Variants in PTPN1 observed in about 807,000 individuals in gnomAD.
The protein encoded by PTPN1 is protein tyrosine phosphatase non-receptor type 1, also known as tyrosine-protein phosphatase non-receptor type 1.
Under a neutral mutation model 59.9 loss-of-function variants are expected in PTPN1, and 12 were observed. The observed-to-expected ratio is 0.20, with a 90% CI of 0.13 to 0.32. PTPN1 has a LOEUF of 0.32. PTPN1 is among the 10% of genes least tolerant of loss of function. PTPN1 has a pLI of 1.00. For synonymous variants in PTPN1, 178 were observed against 203.6 expected (o/e 0.87, Z 1.07); for missense variants, 356 against 549.2 (o/e 0.65, Z 3.52).
intron 8 of PTPN1, among the ~76,000 whole-genome samples, chr20:50,580,220 C>G (rs718051): frequency 6.6e-6 from 1 of 150,832 alleles, no homozygotes; most frequent in Non-Finnish European, 1.5e-5. Flanking sequence ...TTTTCTGCCC[C>G]CCCTGACGAC....
chr20:50,572,374 CAG>C (rs2082814690), intron 4 of PTPN1: 1 of 152,188 alleles, frequency 6.6e-6, no homozygotes, highest in East Asian at 1.9e-4. Flanking sequence ...TTGGAAATGA[CAG>C]AGCATAGCTT....
At position 50,579,738 on chromosome 20, in the gene PTPN1, G is replaced by T. The variant is rs2122804680; in HGVS notation, c.900G>T (p.Glu300Asp). The T allele has an allele frequency of 1.2e-6, 2 of 1,612,740 alleles. No individual in the cohort carries two copies. Among genetic ancestry groups the T allele is most frequent in the Middle Eastern group, 1.9e-4 (1 of 5,164 alleles). ...AGGAGCTTTCCCACGAGGACCTGGA[G>T]CCCCCACCCGAGCATATCCCCCCAC... is the stretch of plus-strand genomic sequence containing the variant. The part of the protein sequence containing the change: ...QWKELSHEDL[E>D]PPPEHIPPPP... The change falls in exon 8 of 10, where the codon GAG becomes GAT. Residue 300 changes from glutamate to aspartate, a missense_variant. By Grantham distance (45) the Glu-to-Asp change is conservative (BLOSUM62 2). Coordinates refer to ENST00000371621, the MANE Select transcript of PTPN1 (RefSeq NM_002827.4).
chr20:50,553,579 A>G (rs189226161), intron 1 of PTPN1, among the ~76,000 whole-genome samples: 108 of 152,382 alleles, frequency 7.1e-4, no homozygotes, highest in Non-Finnish European at 1.0e-3. Flanking sequence ...TGTAATACGT[A>G]GGATATTTGG....
In PTPN1 at chr20:50,574,535, T is replaced by C; in HGVS notation, c.373T>C (p.Trp125Arg). Reference protein sequence around the residue: ...EKGSLKCAQYWPQKEEKEMIF... With the variant: ...EKGSLKCAQYRPQKEEKEMIF... Reference sequence around the variant, plus strand: ...TCCCCAGTTAAAATGCGCACAATACTGGCCACAAAAAGAAGAAAAAGAGAT... The same window carrying C: ...TCCCCAGTTAAAATGCGCACAATACCGGCCACAAAAAGAAGAAAAAGAGAT... The change falls in exon 5 of 10, where the codon TGG (tryptophan) becomes CGG (arginine). Residue 125 changes from tryptophan to arginine, a missense_variant. Physicochemically the swap from Trp to Arg is moderately radical, Grantham distance 101. Coordinates refer to ENST00000371621, the MANE Select transcript of PTPN1 (RefSeq NM_002827.4). 1 of 1,602,912 alleles carries C rather than the reference T, an allele frequency of 6.2e-7. No individual in the cohort carries two copies. Among genetic ancestry groups the C allele is most frequent in the Non-Finnish European group, 8.5e-7 (1 of 1,176,904 alleles).
rs1358238572 is a variant in PTPN1 at position 50,584,404 on chromosome 20, C to T, written c.*1689C>T. 6.6e-6 allele frequency: 1 copy of T among 152,582 alleles called. No individual in the cohort carries two copies. Among genetic ancestry groups the T allele is most frequent in the Non-Finnish European group, 1.5e-5 (1 of 68,028 alleles). 9.5% of individuals were successfully genotyped at this position (152,582 alleles called of 1,614,324 possible). On this transcript the variant is annotated 3_prime_UTR_variant, in exon 10 of 10. Coordinates refer to ENST00000371621, the MANE Select transcript of PTPN1 (RefSeq NM_002827.4). ...CAAAATGGACGTACTGGTTTAACCT[C>T]CTATCCTTGGAGAGCAGCTGGCTCT...
intron 1 of PTPN1, among the ~76,000 whole-genome samples, chr20:50,522,135 G>C (rs1478051571): frequency 6.6e-6 from 1 of 152,148 alleles, no homozygotes; most frequent in Non-Finnish European, 1.5e-5. Context: ...TCATTGGCCA[G>C]GTACTCCTTC....
chr20:50,557,464 T>TA (rs2082730874), intron 1 of PTPN1, among the ~76,000 whole-genome samples: 1 of 152,196 alleles, frequency 6.6e-6, no homozygotes, highest in Non-Finnish European at 1.5e-5. Flanking sequence ...TTAGTTTTCT[T>TA]AAACAGCCAT....
intron 1 of PTPN1, among the ~76,000 whole-genome samples, chr20:50,531,145 A>G (rs1177079359): frequency 6.6e-6 from 1 of 152,156 alleles, no homozygotes; most frequent in Non-Finnish European, 1.5e-5. Flanking sequence ...ATTGCCTGTC[A>G]TCAGAGTAAC....
chr20:50,543,933 C>A (rs1289571788), intron 1 of PTPN1, among the ~76,000 whole-genome samples: 6 of 152,100 alleles, frequency 3.9e-5, no homozygotes. Context: ...ACAACCTCCG[C>A]TTCCTGAGTT....
chr20:50,533,126 T>C (rs767860455), intron 1 of PTPN1, among the ~76,000 whole-genome samples: 6 of 152,154 alleles, frequency 3.9e-5, no homozygotes, highest in Non-Finnish European at 7.4e-5. Context: ...ATAGTTTTTT[T>C]GAGGTGTTCT....
At chr20:50,535,781 A>G (rs1225751960) in intron 1 of PTPN1, among the ~76,000 whole-genome samples, 2 of 152,190 alleles carry the variant, frequency 1.3e-5, no homozygotes, top group Admixed American at 6.5e-5. Flanking sequence ...ACATCTTTGT[A>G]TCCTCAGTAC....
chr20:50,512,440 C>CA (rs1248547486), intron 1 of PTPN1, among the ~76,000 whole-genome samples: 1 of 152,198 alleles, frequency 6.6e-6, no homozygotes, highest in African/African-American at 2.4e-5. Context: ...GTCACCCAAG[C>CA]ATGGTTAAAA....
chr20:50,536,336 C>T (rs541456622), intron 1 of PTPN1, among the ~76,000 whole-genome samples: 21 of 152,250 alleles, frequency 1.4e-4, no homozygotes, highest in Admixed American at 2.6e-4. Context: ...AGTTGCCAGG[C>T]GGTGTGCTGA....
In PTPN1 at chr20:50,582,431, C is replaced by T. The variant is rs1453712322; in HGVS notation, c.1285-261C>T. Among the ~76,000 whole-genome samples, 1 of 152,212 alleles carries T rather than the reference C, an allele frequency of 6.6e-6. No homozygotes were observed. The highest frequency in any genetic ancestry group is 2.1e-4 in the South Asian group (1 of 4,832). ...GAGCTCTGGCCATGGAAATGACCTC[C>T]TAAGACTTTTTCGTGGTTTTAAATA... is the stretch of plus-strand genomic sequence containing the variant. On this transcript the variant is annotated intron_variant, in intron 9 of 9. Transcript: ENST00000371621. The surrounding 1 kb of genome is among the most constrained non-coding windows in gnomAD (Gnocchi z 4.2).
At chr20:50,523,741 A>G (rs182833467) in intron 1 of PTPN1, among the ~76,000 whole-genome samples, 52 of 152,314 alleles carry the variant, frequency 3.4e-4, no homozygotes, top group African/African-American at 1.1e-3. Context: ...GAGCTCTTAC[A>G]GGCCTAGGCT....
In PTPN1 at chr20:50,552,202, G is replaced by A. The variant is rs576152937; in HGVS notation, c.64-9161G>A. On this transcript the variant is annotated intron_variant, in intron 1 of 9. Coordinates refer to ENST00000371621, the MANE Select transcript of PTPN1 (RefSeq NM_002827.4). ...TAATGTTATAGTTACCTTTAATTGC[G>A]TAGGTCCTATCACCCCTCAATTTTA... Among the ~76,000 whole-genome samples, 8 of 152,110 alleles carry A rather than the reference G, an allele frequency of 5.3e-5. No homozygotes were observed. In the South Asian group the frequency reaches 1.5e-3, roughly 28 times the overall value.
At position 50,516,645 on chromosome 20, in the gene PTPN1, T is replaced by G. The variant is rs568324186; in HGVS notation, c.63+6055T>G. Among the ~76,000 whole-genome samples the G allele has an allele frequency of 2.0e-5, 3 of 152,308 alleles. No individual in the cohort carries two copies. In the South Asian group the frequency reaches 6.2e-4, roughly 32 times the overall value. On this transcript the variant is annotated intron_variant, in intron 1 of 9. Coordinates refer to ENST00000371621, the MANE Select transcript of PTPN1 (RefSeq NM_002827.4). Reference sequence around the variant, plus strand: ...ATGGGGTGTTTTTTCCCGAGGGGCATGAAATGTTTTTGATAAATAGAGTTC... The same window carrying G: ...ATGGGGTGTTTTTTCCCGAGGGGCAGGAAATGTTTTTGATAAATAGAGTTC...
intron 4 of PTPN1, among the ~76,000 whole-genome samples, chr20:50,569,729 G>A (rs1029738642): frequency 2.7e-5 from 4 of 150,614 alleles, no homozygotes; most frequent in African/African-American, 9.7e-5. Context: ...GTAGACCGTC[G>A]TGTATAGACT....
At chr20:50,534,547 T>C (rs2082615437) in intron 1 of PTPN1, among the ~76,000 whole-genome samples, 1 of 152,214 alleles carries the variant, frequency 6.6e-6, no homozygotes, top group Non-Finnish European at 1.5e-5. Flanking sequence ...GTTTTTACTG[T>C]AATTTTTTTT....
Sources: allele counts gnomAD v4.1 joint callset (sites outside exome capture counted in the v4.1 genomes callset), GRCh38; gene constraint gnomAD v4.1.1; non-coding constraint Gnocchi (gnomAD v3.1); transcripts MANE v1.5; gene names NCBI Gene and HGNC (gene_info 2026-07-23, HGNC 2026-07-21).